Variants in TNXB observed in about 807,000 individuals in gnomAD.
The protein encoded by TNXB is tenascin-X.
Under a neutral mutation model 340.5 loss-of-function variants are expected in TNXB, and 183 were observed. The observed-to-expected ratio is 0.54, with a 90% confidence interval of 0.48 to 0.61. The LOEUF (loss-of-function observed/expected upper bound fraction) is 0.61. TNXB is among the 20% of genes least tolerant of loss of function. The pLI is 0.00. For missense variants in TNXB, 4,613 were observed against 5,446.4 expected (o/e 0.85, Z 4.82); for synonymous variants, 2,121 against 2,314.5 (o/e 0.92, Z 2.40).
chr6:32,083,390 C>G lies in TNXB; in HGVS notation c.3445+1023G>C, dbSNP rs1779588578. Reference sequence around the variant, plus strand: ...AAAGTAGGCATGCCTCCCAGGTGTGCTTTATGGGGTGTGATGATCCACTTA... The same window carrying G: ...AAAGTAGGCATGCCTCCCAGGTGTGGTTTATGGGGTGTGATGATCCACTTA... On this transcript the variant is annotated intron_variant, in intron 8 of 43. Coordinates refer to ENST00000644971, the MANE Select transcript of TNXB (RefSeq NM_001365276.2). This position sits in a 1 kb window ranked among gnomAD's most constrained non-coding sequence, Gnocchi z 4.6. Among the ~76,000 whole-genome samples, 1 of 152,150 alleles carries G rather than the reference C, an allele frequency of 6.6e-6. No individual in the cohort carries two copies. Among genetic ancestry groups the G allele is most frequent in the African/African-American group, 2.4e-5 (1 of 41,424 alleles).
rs1779998885 is a variant in TNXB at position 32,089,840 on chromosome 6, C to T, written c.2359-461G>A. Among the ~76,000 whole-genome samples, 1 of 152,208 alleles carries T rather than the reference C, an allele frequency of 6.6e-6. No homozygotes were observed. Among genetic ancestry groups the T allele is most frequent in the Non-Finnish European group, 1.5e-5 (1 of 68,034 alleles). On this transcript the variant is annotated intron_variant, in intron 4 of 43. Transcript: ENST00000644971. The surrounding 1 kb of genome is among the most constrained non-coding windows in gnomAD (Gnocchi z 6.2). ...CCAACATGCACCAGGACTCTCCCTC[C>T]AGCTTTGCCCTGGCAACTCTGACTA...
chr6:32,042,130 G>A lies in TNXB; in HGVS notation c.12351C>T (p.Ser4117=). ...LHSLTQAGDY[S]MRVDLRAGDE... ...CCCCAGCCCGCAGGTCCACGCGCAT[G>A]GAGTAGTCACCTGCCTGTGTCAGGC... is the stretch of plus-strand genomic sequence containing the variant. Residue 4117 remains serine (S), a synonymous_variant, in exon 42 of 44, where the codon TCC becomes TCT. Transcript: ENST00000644971. 1.6e-6 allele frequency: 1 copy of A among 619,590 alleles called. No homozygotes were observed. Among genetic ancestry groups the A allele is most frequent in the Non-Finnish European group, 2.8e-6 (1 of 359,100 alleles). 38.4% of individuals were successfully genotyped at this position (619,590 alleles called of 1,614,324 possible). A position where few individuals can be genotyped will look rare whatever the true frequency, so the allele number is the denominator to read the frequency against.
intron 1 of TNXB, among the ~76,000 whole-genome samples, chr6:32,100,456 A>T (rs906645453): frequency 6.6e-6 from 1 of 152,138 alleles, no homozygotes; most frequent in African/African-American, 2.4e-5. Flanking sequence ...GGCCGGGTGC[A>T]GTGGCTCGTA....
chr6:32,084,242 C>T lies in TNXB; in HGVS notation c.3445+171G>A, dbSNP rs1419103026. ...CTCACCGTGACTCCCTCAGGCTGCA[C>T]TGAGCTTCTCAAACTCTTTGCCTGC... On this transcript the variant is annotated intron_variant, in intron 8 of 43. Coordinates refer to ENST00000644971, the MANE Select transcript of TNXB (RefSeq NM_001365276.2). The surrounding 1 kb of genome is among the most constrained non-coding windows in gnomAD (Gnocchi z 5.5). Among the ~76,000 whole-genome samples the T allele has an allele frequency of 6.6e-6, 1 of 152,326 alleles. No homozygotes were observed. Among genetic ancestry groups the T allele is most frequent in the Non-Finnish European group, 1.5e-5 (1 of 68,030 alleles).
chr6:32,106,683 C>T (rs941277775), intron 1 of TNXB, among the ~76,000 whole-genome samples: 1 of 152,170 alleles, frequency 6.6e-6, no homozygotes, highest in African/African-American at 2.4e-5. Context: ...CCAAGAAAGC[C>T]CAGGCCGAGA....
chr6:32,041,551 G>A (rs1435108769), intron 43 of TNXB, 101 bp from the exon 44 acceptor site: 24 of 1,070,644 alleles, frequency 2.2e-5, no homozygotes, highest in African/African-American at 3.4e-5. Flanking sequence ...CAACCTCCCC[G>A]CAGAGCTCCC....
At position 32,073,866 on chromosome 6, in the gene TNXB, TG is replaced by T. The variant is rs762178597; in HGVS notation, c.4461del (p.Asn1488ThrfsTer18). On this transcript the variant is annotated frameshift_variant, in exon 12 of 44. Transcript: ENST00000644971. LOFTEE classifies it high-confidence loss of function. The surrounding 1 kb of genome is among the most constrained non-coding windows in gnomAD (Gnocchi z 4.6). ...LGELTVTDVT[P>X]NSVGLSWTVP... Reference sequence around the variant, plus strand: ...ACTGTCCAGGAGAGGCCCACAGAGTTGGGGGTCACATCTGTCACTGTCAGCT... The same window carrying T: ...ACTGTCCAGGAGAGGCCCACAGAGTTGGGGTCACATCTGTCACTGTCAGCT... 1.9e-6 allele frequency: 3 copies of T among 1,610,766 alleles called. No homozygotes were observed. The South Asian group carries it at 3.3e-5, about 18-fold the overall frequency.
chr6:32,068,670 T>C lies in TNXB; in HGVS notation c.5940A>G (p.Ala1980=). Residue 1980 remains alanine (A), a synonymous_variant, in exon 17 of 44, where the codon GCA becomes GCG. Coordinates refer to ENST00000644971, the MANE Select transcript of TNXB (RefSeq NM_001365276.2). This position sits in a 1 kb window ranked among gnomAD's most constrained non-coding sequence, Gnocchi z 5.3. ...EEEKPSEPPT[A]TPEPPIKPRL... is the part of the protein sequence containing the mutation. ...GAGGCTTGATGGGGGGCTCGGGGGT[T>C]GCGGTGGGAGGTTCTGAAGGCTTCT... The C allele has an allele frequency of 6.2e-7, 1 of 1,613,658 alleles. No individual in the cohort carries two copies. The highest frequency in any genetic ancestry group is 8.5e-7 in the Non-Finnish European group (1 of 1,179,780).
chr6:32,049,534 C>A lies in TNXB; in HGVS notation c.9493G>T (p.Glu3165Ter). The change falls in exon 28 of 44, where the codon GAG becomes TAG. Residue 3165 changes from glutamate to a stop codon, truncating the protein, a stop_gained. Transcript: ENST00000644971. LOFTEE classifies it high-confidence loss of function. This position sits in a 1 kb window ranked among gnomAD's most constrained non-coding sequence, Gnocchi z 4.5. ...GTCAACTCCCCCAGGAGCGGCTCCT[C>A]AGGGGCCTCCGGGGCCTCAGTGCTG... ...EPSTEAPEAPEEPLLGELTVT... is the reference protein window; with the variant it reads ...EPSTEAPEAP 6.2e-7 allele frequency: 1 copy of A among 1,612,550 alleles called. No individual in the cohort carries two copies. Among genetic ancestry groups the A allele is most frequent in the Non-Finnish European group, 8.5e-7 (1 of 1,179,838 alleles).
rs759976959 is a variant in TNXB at position 32,042,420 on chromosome 6, C to A, written c.12210+35G>T. On this transcript the variant is annotated intron_variant, in intron 40 of 43. Transcript: ENST00000644971. ...GGCTCCCGGGGCAACAGACCCTGCC[C>A]TGCACAGACCCCTGGGCTTCCCAAT... The A allele has an allele frequency of 6.2e-6, 10 of 1,604,780 alleles. 2 individuals are homozygous for A. Among genetic ancestry groups the A allele is most frequent in the Non-Finnish European group, 7.7e-6 (9 of 1,175,250 alleles).
chr6:32,095,404 ATGG>A (rs1780274479), intron 3 of TNXB, among the ~76,000 whole-genome samples: 1 of 151,784 alleles, frequency 6.6e-6, no homozygotes, highest in African/African-American at 2.4e-5. Flanking sequence ...ATGCAACTAA[ATGG>A]GCCCCAACCT....
In TNXB at chr6:32,055,998, C is replaced by T; in HGVS notation, c.8320G>A (p.Asp2774Asn). 6.2e-7 allele frequency: 1 copy of T among 1,613,340 alleles called. No homozygotes were observed. The highest frequency in any genetic ancestry group is 1.1e-5 in the South Asian group (1 of 91,084). ...DSFTVQYKDR[D>N]GRPQVMRVRG... is the part of the protein sequence containing the mutation. ...ACACGCATCACCTGGGGCCGCCCGT[C>T]CCTGTCCTTGTACTGCACGGTGAAG... The change falls in exon 24 of 44, where the codon GAC becomes AAC. Residue 2774 changes from aspartate (D) to asparagine (N), a missense_variant. By Grantham distance (23) the Asp-to-Asn change is conservative. Around this residue, in one of 7 missense-constraint regions of TNXB, gnomAD observed 4,327 missense variants for 4,859.4 expected, o/e 0.89. Transcript: ENST00000644971.
chr6:32,078,090 A>AGAAAGAAG (rs1157807707), intron 11 of TNXB, among the ~76,000 whole-genome samples: 1 of 121,274 alleles, frequency 8.2e-6, no homozygotes, highest in African/African-American at 3.1e-5. Context: ...AAAGAAAGAA[A>AGAAAGAAG]GAAAGAAAGA....
rs757431461 is a variant in TNXB at position 32,068,455 on chromosome 6, T to C, written c.6155A>G (p.Lys2052Arg). The C allele has an allele frequency of 2.5e-6, 4 of 1,613,800 alleles. No individual in the cohort carries two copies. The highest frequency in any genetic ancestry group is 2.2e-5 in the East Asian group (1 of 44,902). ...ISGLEPDHKY[K>R]MNLYGFHGGQ... ...ACCGTGGAAGCCGTACAGGTTCATC[T>C]TGTATTTATGGTCTGGCTCCAGGCC... The change falls in exon 17 of 44, where the codon AAG (lysine) becomes AGG (arginine). Residue 2052 changes from lysine to arginine, a missense_variant. Lys to Arg is a conservative substitution (Grantham distance 26, BLOSUM62 2). Coordinates refer to ENST00000644971, the MANE Select transcript of TNXB (RefSeq NM_001365276.2). The surrounding 1 kb of genome is among the most constrained non-coding windows in gnomAD (Gnocchi z 5.3).
chr6:32,070,128 C>G lies in TNXB; in HGVS notation c.5277G>C (p.Thr1759=), dbSNP rs755526864. ...RHGPLTADGT[T]EARSAMDDTG... Reference sequence around the variant, plus strand: ...GGACCTGCAGGGAATGCCCCTCACCCGTGGTGCCGTCGGCAGTGAGAGGGC... The same window carrying G: ...GGACCTGCAGGGAATGCCCCTCACCGGTGGTGCCGTCGGCAGTGAGAGGGC... Residue 1759 remains threonine, a splice_region_variant and synonymous_variant, in exon 14 of 44, where the codon ACG becomes ACC. Transcript: ENST00000644971. This position sits in a 1 kb window ranked among gnomAD's most constrained non-coding sequence, Gnocchi z 6.0. The G allele has an allele frequency of 2.6e-6, 4 of 1,562,762 alleles. No homozygotes were observed. Among genetic ancestry groups the G allele is most frequent in the East Asian group, 4.5e-5 (2 of 44,230 alleles).
At chr6:32,060,813 A>G (rs1777959870) in intron 21 of TNXB, among the ~76,000 whole-genome samples, 1 of 151,744 alleles carries the variant, frequency 6.6e-6, no homozygotes, top group Admixed American at 6.6e-5. Flanking sequence ...TAATTTTTGT[A>G]TTTTTAGTAG....
rs1668801026 is a variant in TNXB, at chr6:32,068,712, A to G, written c.5903-5T>C. On this transcript the variant is annotated splice_polypyrimidine_tract_variant and splice_region_variant and intron_variant, in intron 16 of 43. Transcript: ENST00000644971. This position sits in a 1 kb window ranked among gnomAD's most constrained non-coding sequence, Gnocchi z 5.3. Reference sequence around the variant, plus strand: ...AAGGCTTCTCCTCCTCCGGGACTGGACAGAGACATGGAAAGAGAGGACTGA... The same window carrying G: ...AAGGCTTCTCCTCCTCCGGGACTGGGCAGAGACATGGAAAGAGAGGACTGA... 4 of 1,611,736 alleles carry G rather than the reference A, an allele frequency of 2.5e-6. No homozygotes were observed. The highest frequency in any genetic ancestry group is 3.4e-6 in the Non-Finnish European group (4 of 1,178,402).
rs1011613232 is a variant in TNXB at position 32,074,315 on chromosome 6, C to T, written c.4376-363G>A. Among the ~76,000 whole-genome samples, 2 of 152,234 alleles carry T rather than the reference C, an allele frequency of 1.3e-5. No homozygotes were observed. The highest frequency in any genetic ancestry group is 2.4e-5 in the African/African-American group (1 of 41,464). ...CTGGGATTACAGGTGTGAGCCACCA[C>T]ACCCAGCGATGTCTGTTGCATTTGT... On this transcript the variant is annotated intron_variant, in intron 11 of 43. Coordinates refer to ENST00000644971, the MANE Select transcript of TNXB (RefSeq NM_001365276.2). The surrounding 1 kb of genome is among the most constrained non-coding windows in gnomAD (Gnocchi z 5.5).
intron 11 of TNXB, among the ~76,000 whole-genome samples, chr6:32,077,832 G>A (rs1434430786): frequency 6.6e-6 from 1 of 152,174 alleles, no homozygotes; most frequent in African/African-American, 2.4e-5. Flanking sequence ...TTTGAGACCA[G>A]CCTGGCTGAC....
Sources: gnomAD v4.1 joint callset for allele counts (sites outside exome capture counted in the v4.1 genomes callset) on GRCh38, gnomAD v4.1.1 for gene constraint, gnomAD v4.1.1 regional missense constraint, Gnocchi (gnomAD v3.1) non-coding constraint, MANE v1.5 for transcripts, NCBI Gene and HGNC (gene_info 2026-07-23, HGNC 2026-07-21) for gene names.